Variants in APBB2 observed in about 807,000 individuals in gnomAD.
APBB2 encodes amyloid beta precursor protein binding family B member 2.
Under a neutral mutation model 82.5 loss-of-function variants are expected in APBB2, and 38 were observed. That is an observed-to-expected ratio of 0.46 (90% CI 0.36 to 0.60). The LOEUF is 0.60. APBB2 is among the 20% of genes least tolerant of loss of function. The pLI is 0.00. For missense variants in APBB2, 772 were observed against 972.3 expected (o/e 0.79, Z 2.74); for synonymous variants, 341 against 368.2 (o/e 0.93, Z 0.85).
chr4:40,916,765 A>G (rs907835306), intron 10 of APBB2, among the ~76,000 whole-genome samples: 1 of 152,230 alleles, frequency 6.6e-6, no homozygotes, highest in African/African-American at 2.4e-5. Flanking sequence ...GGAGGGACCC[A>G]GAGGATGTTG....
At chr4:40,946,254 A>AAAAAAAAAAAAAAAAACAAAAC (rs1553875174) in intron 6 of APBB2, among the ~76,000 whole-genome samples, 1 of 114,560 alleles carries the variant, frequency 8.7e-6, no homozygotes, top group Non-Finnish European at 1.8e-5. Context: ...AAAAAAAAAA[A>AAAAAAAAAAAAAAAAACAAAAC]CATTCCCAAG....
At position 40,813,539 on chromosome 4, in the gene APBB2, T is replaced by TA. The variant is rs1362973172; in HGVS notation, c.*2552dup. The TA allele has an allele frequency of 6.6e-6, 1 of 152,254 alleles. No individual in the cohort carries two copies. Among genetic ancestry groups the TA allele is most frequent in the Non-Finnish European group, 1.5e-5 (1 of 68,036 alleles). The allele number at this position is 152,254 out of a possible 1,614,324, so 9.4% of individuals were successfully genotyped here. A position where few individuals can be genotyped will look rare whatever the true frequency, so the allele number is the denominator to read the frequency against. On this transcript the variant is annotated 3_prime_UTR_variant, in exon 18 of 18. Transcript: ENST00000508593. ...AAGTGTCTGAACATACTCTTTAACATAATTTTACAAAATTAATTTGCATTT... is the reference window on the plus strand; with the variant it reads ...AAGTGTCTGAACATACTCTTTAACATAAATTTTACAAAATTAATTTGCATTT...
At chr4:41,020,564 C>T (rs958445105) in intron 5 of APBB2, among the ~76,000 whole-genome samples, 1 of 152,138 alleles carries the variant, frequency 6.6e-6, no homozygotes, top group African/African-American at 2.4e-5. Flanking sequence ...ATGGACTGAA[C>T]GAGATCTTAT....
chr4:40,823,551 G>T, intron 16 of APBB2, 93 bp downstream of exon 16: 1 of 877,820 alleles, frequency 1.1e-6, no homozygotes, highest in Non-Finnish European at 1.9e-6. Context: ...GCACAACTCC[G>T]GCCTTGACTA....
intron 7 of APBB2, among the ~76,000 whole-genome samples, chr4:40,943,987 T>A (rs1385038347): frequency 6.6e-6 from 1 of 152,218 alleles, no homozygotes; most frequent in Non-Finnish European, 1.5e-5. Context: ...ATTGTCTACT[T>A]TTAAAAACAG....
At chr4:41,061,810 A>T (rs905223719) in intron 4 of APBB2, among the ~76,000 whole-genome samples, 5 of 152,248 alleles carry the variant, frequency 3.3e-5, no homozygotes, top group Admixed American at 1.3e-4. Context: ...AAGGCAGAAT[A>T]ATCTCAAAAC....
chr4:40,900,130 G>A (rs528728807), intron 10 of APBB2, among the ~76,000 whole-genome samples: 5 of 152,290 alleles, frequency 3.3e-5, no homozygotes, highest in South Asian at 4.1e-4. Flanking sequence ...AATGTGGCCC[G>A]ACACTACAAA....
intron 4 of APBB2, among the ~76,000 whole-genome samples, chr4:41,048,193 G>A (rs925825229): frequency 2.0e-5 from 3 of 152,210 alleles, no homozygotes; most frequent in Non-Finnish European, 4.4e-5. Flanking sequence ...AGGCTCCAAT[G>A]AGCATTTCCT....
At chr4:40,834,241 A>G (rs1235089604) in intron 12 of APBB2, among the ~76,000 whole-genome samples, 1 of 152,006 alleles carries the variant, frequency 6.6e-6, no homozygotes, top group African/African-American at 2.4e-5. Context: ...AGGTTTCATC[A>G]CTTCCCAGGA....
intron 12 of APBB2, among the ~76,000 whole-genome samples, chr4:40,886,098 A>T (rs4359948): frequency 6.6e-6 from 1 of 152,210 alleles, no homozygotes; most frequent in African/African-American, 2.4e-5. Context: ...GAAGTACACA[A>T]GGATCTCTGT....
At chr4:41,172,538 C>G (rs938933132) in intron 1 of APBB2, among the ~76,000 whole-genome samples, 1 of 152,318 alleles carries the variant, frequency 6.6e-6, no homozygotes, top group South Asian at 2.1e-4. Context: ...CTTGGTCTCC[C>G]CCACTAGATT....
chr4:40,822,173 T>C, intron 16 of APBB2, 123 bp from the exon 17 acceptor site: 2 of 1,188,506 alleles, frequency 1.7e-6, no homozygotes, highest in South Asian at 1.4e-5. Flanking sequence ...ACCTGTGTTT[T>C]TCTCGAAAGG....
intron 10 of APBB2, among the ~76,000 whole-genome samples, chr4:40,916,712 G>A (rs1779927337): frequency 6.6e-6 from 1 of 152,218 alleles, no homozygotes; most frequent in Non-Finnish European, 1.5e-5. Flanking sequence ...ACTATTCTGA[G>A]AGCGAGCATG....
intron 12 of APBB2, chr4:40,880,101 G>A (rs963368160): frequency 1.2e-5 from 12 of 985,292 alleles, no homozygotes; most frequent in African/African-American, 8.7e-5. Flanking sequence ...TTTCAGCTAC[G>A]TCAGTGATGA....
At chr4:41,043,952 A>T (rs778971616) in intron 4 of APBB2, among the ~76,000 whole-genome samples, 2 of 152,162 alleles carry the variant, frequency 1.3e-5, no homozygotes, top group African/African-American at 4.8e-5. Flanking sequence ...TGCAAATTGG[A>T]GCTAGATTCA....
chr4:40,895,654 CCTGCTCTCCAGAAAGTG>C (rs1356606643), intron 10 of APBB2, among the ~76,000 whole-genome samples: 4 of 152,212 alleles, frequency 2.6e-5, no homozygotes, highest in Non-Finnish European at 5.9e-5. Context: ...GTGCCCAGGC[CCTGCTCTCCAGAAAGTG>C]CTGTGCAGCC....
At chr4:41,165,428 C>A (rs1017817407) in intron 1 of APBB2, among the ~76,000 whole-genome samples, 3 of 152,156 alleles carry the variant, frequency 2.0e-5, no homozygotes, top group South Asian at 4.1e-4. Flanking sequence ...GTACTACATC[C>A]CTAGGTTACC....
intron 4 of APBB2, among the ~76,000 whole-genome samples, chr4:41,056,147 T>G (rs1403755677): frequency 1.3e-5 from 2 of 152,012 alleles, no homozygotes; most frequent in Admixed American, 1.3e-4. Flanking sequence ...GGCACTGCAC[T>G]CCAGCCTGGG....
intron 12 of APBB2, among the ~76,000 whole-genome samples, chr4:40,887,432 G>C (rs777566098): frequency 2.0e-5 from 3 of 152,102 alleles, no homozygotes; most frequent in Non-Finnish European, 2.9e-5. Flanking sequence ...TTACAAAAGA[G>C]AATGTGAAAT....
Sources: gnomAD v4.1 joint callset for allele counts (sites outside exome capture counted in the v4.1 genomes callset) on GRCh38, gnomAD v4.1.1 for gene constraint, MANE v1.5 for transcripts, NCBI Gene and HGNC (gene_info 2026-07-23, HGNC 2026-07-21) for gene names.